XPA: variants seen among roughly 807,000 people sequenced by gnomAD.
The protein encoded by XPA is DNA repair protein complementing XP-A cells.
Under a neutral mutation model 35.7 loss-of-function variants are expected in XPA, and 27 were observed. The observed-to-expected ratio is 0.76, with a 90% CI of 0.56 to 1.04. XPA has a LOEUF of 1.04. Ranked by LOEUF, XPA falls within the 50% of genes least tolerant of loss-of-function variation. The pLI is 0.00. For synonymous variants in XPA, 133 were observed against 118.4 expected (o/e 1.12, Z -0.80); for missense variants, 354 against 342.7 (o/e 1.03, Z -0.26).
chr9:97,663,034 G>A, the XPA span: 1 of 1,610,176 alleles, frequency 6.2e-7, no homozygotes, highest in Non-Finnish European at 8.5e-7. Context: ...GAGGTCTGGA[G>A]GAACCATCCA....
chr9:97,675,886 G>A, intron 5 of XPA: 1 of 440,168 alleles, frequency 2.3e-6, no homozygotes, highest in Non-Finnish European at 4.2e-6. Context: ...GAAGTGAGTT[G>A]AGTAACACAA....
intron 5 of XPA, among the ~76,000 whole-genome samples, chr9:97,676,420 T>G (rs772108241): frequency 6.6e-6 from 1 of 152,366 alleles, no homozygotes; most frequent in East Asian, 1.9e-4. Flanking sequence ...TTTACACTTC[T>G]ATTCTCACCA....
chr9:97,662,331 G>A, the XPA span, among the ~76,000 whole-genome samples: 14 of 152,188 alleles, frequency 9.2e-5, no homozygotes, highest in African/African-American at 3.1e-4. Context: ...TGTTTGTACA[G>A]TTGGCATATG....
chr9:97,654,735 AAAC>A, the XPA span: 8 of 754,114 alleles, frequency 1.1e-5, no homozygotes, highest in South Asian at 3.5e-5. Flanking sequence ...CTGTAAGAAA[AAAC>A]AAAAACAAGA....
chr9:97,657,923 TA>T, the XPA span, among the ~76,000 whole-genome samples: 682 of 115,814 alleles, frequency 5.9e-3, 1 homozygote, highest in East Asian at 0.013. Flanking sequence ...TATATATATA[TA>T]TATTTTTTTT....
the XPA span, chr9:97,664,490 T>A: frequency 9.3e-6 from 12 of 1,293,426 alleles, no homozygotes; most frequent in Non-Finnish European, 1.3e-5. Context: ...AGAATTGATA[T>A]ATGTGTGGTC....
At chr9:97,680,940 G>A (rs1460132437) in intron 5 of XPA, among the ~76,000 whole-genome samples, 1 of 152,290 alleles carries the variant, frequency 6.6e-6, no homozygotes, top group East Asian at 1.9e-4. Flanking sequence ...AGTTCCATTG[G>A]CCTAGAATTT....
At chr9:97,666,881 A>G in the XPA span, 133 of 1,571,842 alleles carry the variant, frequency 8.5e-5, 1 homozygote, top group Non-Finnish European at 6.9e-5. Context: ...CAAACGGGTA[A>G]GTTTTGTGTA....
the XPA span, among the ~76,000 whole-genome samples, chr9:97,656,451 C>T: frequency 7.2e-5 from 11 of 152,086 alleles, no homozygotes; most frequent in African/African-American, 2.7e-4. Context: ...TGTTGGCGAA[C>T]GTCTATAATC....
At chr9:97,674,649 A>G (rs759753834), downstream of XPA, among the ~76,000 whole-genome samples, 1 of 152,192 alleles carries the variant, frequency 6.6e-6, no homozygotes, top group Non-Finnish European at 1.5e-5. Context: ...CTTTCCTTAG[A>G]AGTCTGAAAG....
chr9:97,656,214 A>AAGACTTAGGCTAAGACT, the XPA span: 3 of 780,326 alleles, frequency 3.8e-6, no homozygotes, highest in Non-Finnish European at 6.1e-6. Context: ...ATTTTTAATC[A>AAGACTTAGGCTAAGACT]AGACTTAGGC....
chr9:97,662,956 T>C, the XPA span: 3 of 1,608,052 alleles, frequency 1.9e-6, no homozygotes, highest in South Asian at 3.3e-5. Context: ...ATCAAAAGGT[T>C]TCATGAAGTC....
chr9:97,674,514 T>G (rs1828290648), downstream of XPA, among the ~76,000 whole-genome samples: 1 of 152,228 alleles, frequency 6.6e-6, no homozygotes, highest in Non-Finnish European at 1.5e-5. Context: ...TCAGGTTATT[T>G]TAACTAACTG....
chr9:97,678,001 A>G (rs1265952356), intron 5 of XPA, among the ~76,000 whole-genome samples: 1 of 152,214 alleles, frequency 6.6e-6, no homozygotes, highest in Non-Finnish European at 1.5e-5. Context: ...AAATTTTAAA[A>G]CTGGATGTAT....
chr9:97,674,529 T>C (rs1296164984), downstream of XPA, among the ~76,000 whole-genome samples: 1 of 152,262 alleles, frequency 6.6e-6, no homozygotes, highest in Non-Finnish European at 1.5e-5. Flanking sequence ...TAACTGGAAT[T>C]TGTTTTTGTC....
At chr9:97,661,258 G>A in the XPA span, among the ~76,000 whole-genome samples, 2 of 152,116 alleles carry the variant, frequency 1.3e-5, no homozygotes, top group Non-Finnish European at 2.9e-5. Flanking sequence ...CTGTGATATA[G>A]CTTACTTAAG....
At chr9:97,661,950 G>T in the XPA span, 1 of 812,510 alleles carries the variant, frequency 1.2e-6, no homozygotes, top group Middle Eastern at 2.7e-4. Context: ...TCTGTGTATA[G>T]ATGTGAGCAA....
chr9:97,675,188 A>T lies in XPA; in HGVS notation c.*251T>A. ...CTACCACTTCTGCACCTACTCTAGCACTCAGCTCCCATCTCTGTTGTAAGA... is the reference window on the plus strand; with the variant it reads ...CTACCACTTCTGCACCTACTCTAGCTCTCAGCTCCCATCTCTGTTGTAAGA... On this transcript the variant is annotated 3_prime_UTR_variant, in exon 6 of 6. Transcript: ENST00000375128. The T allele has an allele frequency of 1.6e-6, 1 of 614,288 alleles. No homozygotes were observed. Among genetic ancestry groups the T allele is most frequent in the Non-Finnish European group, 3.0e-6 (1 of 331,994 alleles). 38.1% of individuals were successfully genotyped at this position (614,288 alleles called of 1,614,324 possible).
chr9:97,662,355 CT>C, the XPA span, among the ~76,000 whole-genome samples: 3 of 152,080 alleles, frequency 2.0e-5, no homozygotes, highest in African/African-American at 7.2e-5. Flanking sequence ...ATGGTAAGTG[CT>C]TTTTTTCATA....
Sources: gnomAD v4.1 joint callset for allele counts (sites outside exome capture counted in the v4.1 genomes callset) on GRCh38, gnomAD v4.1.1 for gene constraint, MANE v1.5 for transcripts, NCBI Gene and HGNC (gene_info 2026-07-23, HGNC 2026-07-21) for gene names.